The following CEP85L variants were observed in gnomAD, a reference collection of about 807,000 sequenced individuals.
CEP85L encodes centrosomal protein of 85 kDa-like.
Under a neutral mutation model 100.3 loss-of-function variants are expected in CEP85L, and 60 were observed. That is an observed-to-expected ratio of 0.60 (90% confidence interval 0.49 to 0.74). The LOEUF (loss-of-function observed/expected upper bound fraction) is 0.74, where lower values mean the gene tolerates loss of function less well. Ranked by LOEUF, CEP85L falls within the 30% of genes least tolerant of loss-of-function variation. The pLI, the probability that CEP85L is intolerant of heterozygous loss-of-function variation, is 0.00. For synonymous variants in CEP85L, 319 were observed against 322.7 expected, an observed-to-expected ratio of 0.99 and a Z score of 0.12; for missense variants, 973 against 936.2, an observed-to-expected ratio of 1.04 and a Z score of -0.51.
At chr6:118,600,370 T>TG (rs58066356) in intron 2 of CEP85L, among the ~76,000 whole-genome samples, 1 of 86,360 alleles carries the variant, frequency 1.2e-5, no homozygotes, top group Non-Finnish European at 2.6e-5. Context: ...TGTGTGTGTG[T>TG]AACGCCATGG....
chr6:118,586,671 C>T lies in CEP85L; in HGVS notation c.233-20355G>A, dbSNP rs143901871. Among the ~76,000 whole-genome samples, 570 of 152,306 alleles carry T rather than the reference C, an allele frequency of 3.7e-3. 4 individuals are homozygous for T. The highest frequency in any genetic ancestry group is 5.8e-3 in the Non-Finnish European group (396 of 68,024). On this transcript the variant is annotated intron_variant, in intron 2 of 12. Coordinates refer to ENST00000368491, the MANE Select transcript of CEP85L (RefSeq NM_001042475.3). The stretch of plus-strand genomic sequence containing the variant: ...ATGTGAAGAAATGGAAGATCTTAAG[C>T]TGAAAATCATAAAAGATAAGTAACT...
At chr6:118,683,142 T>C (rs972657952) in intron 1 of CEP85L, among the ~76,000 whole-genome samples, 2 of 152,180 alleles carry the variant, frequency 1.3e-5, no homozygotes, top group Admixed American at 6.5e-5. Flanking sequence ...AGGTGTGTAT[T>C]TTTCTAGAGA....
At chr6:118,584,194 T>G (rs1013631032) in intron 2 of CEP85L, among the ~76,000 whole-genome samples, 1 of 152,200 alleles carries the variant, frequency 6.6e-6, no homozygotes, top group African/African-American at 2.4e-5. Context: ...GCACTGAAGC[T>G]CTTCTCAATA....
intron 3 of CEP85L, among the ~76,000 whole-genome samples, chr6:118,524,945 C>T (rs1323151956): frequency 3.9e-5 from 6 of 152,186 alleles, no homozygotes; most frequent in Admixed American, 3.9e-4. Context: ...CACCTGGTGA[C>T]CTGGAAATCA....
chr6:118,481,973 T>C lies in CEP85L; in HGVS notation c.1591-40A>G, dbSNP rs950349572. 10 of 1,255,776 alleles carry C rather than the reference T, an allele frequency of 8.0e-6. No homozygotes were observed. The African/African-American group carries it at 9.4e-5, about 12-fold the overall frequency. 77.8% of individuals were successfully genotyped at this position (1,255,776 alleles called of 1,614,324 possible). A position where few individuals can be genotyped will look rare whatever the true frequency, so the allele number is the denominator to read the frequency against. Reference sequence around the variant, plus strand: ...TTTACAGTTCATTACACATGAAATATTAAATACGCTTCTATTAGAAACTGT... The same window carrying C: ...TTTACAGTTCATTACACATGAAATACTAAATACGCTTCTATTAGAAACTGT... On this transcript the variant is annotated intron_variant, in intron 7 of 12. Transcript: ENST00000368491.
chr6:118,527,283 G>C (rs1777031744), intron 3 of CEP85L, among the ~76,000 whole-genome samples: 1 of 151,974 alleles, frequency 6.6e-6, no homozygotes, highest in Admixed American at 6.6e-5. Flanking sequence ...GGGATTACAG[G>C]CATGAGCCAC....
rs60633815 is a variant in CEP85L at position 118,567,205 on chromosome 6, ATGTATGTGTGTGTG to A, written c.233-903_233-890del. ...TGTGTACATATATGTATGAATATATATGTATGTGTGTGTGTGTGTGTGTGTGTGTGTGTGTGTGT... is the reference window on the plus strand; with the variant it reads ...TGTGTACATATATGTATGAATATATATGTGTGTGTGTGTGTGTGTGTGTGT... On this transcript the variant is annotated intron_variant, in intron 2 of 12. Transcript: ENST00000368491. Among the ~76,000 whole-genome samples the A allele has an allele frequency of 3.2e-4, 25 of 77,234 alleles. 1 individual carries two copies. Among genetic ancestry groups the A allele is most frequent in the South Asian group, 1.8e-3 (3 of 1,690 alleles). The allele number at this position is 77,234 out of a possible 152,430, so 50.7% of individuals were successfully genotyped here. A position where few individuals can be genotyped will look rare whatever the true frequency, so the allele number is the denominator to read the frequency against.
chr6:118,602,173 C>G (rs190919867), intron 2 of CEP85L, among the ~76,000 whole-genome samples: 1 of 152,154 alleles, frequency 6.6e-6, no homozygotes, highest in Non-Finnish European at 1.5e-5. Context: ...GTATGAGGGT[C>G]TCTTGCACTC....
Position 118,565,660 on chromosome 6 carries a change from G to C in CEP85L, c.889C>G (p.Gln297Glu), listed in dbSNP as rs1479561143. The C allele has an allele frequency of 1.2e-6, 2 of 1,614,074 alleles. No homozygotes were observed. Among genetic ancestry groups the C allele is most frequent in the Non-Finnish European group, 1.7e-6 (2 of 1,180,038 alleles). Residue 297 changes from glutamine to glutamate, a missense_variant, in exon 3 of 13, where the codon CAG (glutamine) becomes GAG (glutamate). Coordinates refer to ENST00000368491, the MANE Select transcript of CEP85L (RefSeq NM_001042475.3). ...CGCAGCTGCTCTGTAAGCCACATCT[G>C]AGTCCTTACGGAAGGCTGAATGGGA... The part of the protein sequence containing the change: ...GVPIQPSVRT[Q>E]MWLTEQLRTN...
intron 3 of CEP85L, among the ~76,000 whole-genome samples, chr6:118,550,386 T>A (rs1369629150): frequency 1.3e-5 from 2 of 151,776 alleles, no homozygotes; most frequent in African/African-American, 4.8e-5. Flanking sequence ...ATATATTAAA[T>A]TTTTAATTAA....
intron 1 of CEP85L, among the ~76,000 whole-genome samples, chr6:118,646,228 A>T (rs1162737547): frequency 1.3e-5 from 1 of 75,972 alleles, no homozygotes; most frequent in African/African-American, 4.7e-5. Context: ...AAAAAAAGAA[A>T]AGAAAAGTAA....
chr6:118,651,233 G>T lies in CEP85L; in HGVS notation c.37C>A (p.Arg13=). 1 of 1,495,574 alleles carries T rather than the reference G, an allele frequency of 6.7e-7. No individual in the cohort carries two copies. 92.6% of individuals were successfully genotyped at this position (1,495,574 alleles called of 1,614,324 possible). A position where few individuals can be genotyped will look rare whatever the true frequency, so the allele number is the denominator to read the frequency against. Reference sequence around the variant, plus strand: ...CTGCGGGCTCCGCCGGGGCTATCCCGGCCGCTGGCCTCCGGAGCCAGGAAG... The same window carrying T: ...CTGCGGGCTCCGCCGGGGCTATCCCTGCCGCTGGCCTCCGGAGCCAGGAAG... The part of the protein sequence containing the change: ...GRFLAPEASG[R]DSPGGARSFP... Residue 13 remains arginine (R), a synonymous_variant, in exon 1 of 13, where the codon CGG becomes AGG. Coordinates refer to ENST00000368491, the MANE Select transcript of CEP85L (RefSeq NM_001042475.3).
chr6:118,702,457 A>T (rs985411879), intron 1 of CEP85L, among the ~76,000 whole-genome samples: 5 of 152,110 alleles, frequency 3.3e-5, no homozygotes, highest in African/African-American at 1.2e-4. Flanking sequence ...GGATGCAATG[A>T]GCTGTGATTG....
intron 3 of CEP85L, among the ~76,000 whole-genome samples, chr6:118,549,024 TAATA>T (rs1469859327): frequency 2.0e-5 from 3 of 152,004 alleles, no homozygotes; most frequent in African/African-American, 7.2e-5. Flanking sequence ...TCCATGCTAT[TAATA>T]AATTGAGTTA....
chr6:118,539,259 C>T (rs1777772018), intron 3 of CEP85L, among the ~76,000 whole-genome samples: 1 of 152,182 alleles, frequency 6.6e-6, no homozygotes, highest in Admixed American at 6.5e-5. Context: ...CTCATTCTTA[C>T]TATATCTTTT....
chr6:118,551,027 TTTTA>T (rs1778512276), intron 3 of CEP85L, among the ~76,000 whole-genome samples: 3 of 151,988 alleles, frequency 2.0e-5, no homozygotes, highest in Middle Eastern at 3.4e-3. Context: ...CAAAGTTTCC[TTTTA>T]TTTGTTTCAT....
At chr6:118,677,087 G>A (rs1776507860) in intron 1 of CEP85L, among the ~76,000 whole-genome samples, 1 of 152,034 alleles carries the variant, frequency 6.6e-6, no homozygotes, top group African/African-American at 2.4e-5. Flanking sequence ...TATGATCCTG[G>A]AAATCAGGGT....
chr6:118,575,529 C>G (rs964972032), intron 2 of CEP85L, among the ~76,000 whole-genome samples: 2 of 152,168 alleles, frequency 1.3e-5, no homozygotes, highest in African/African-American at 4.8e-5. Flanking sequence ...AACTACTTAC[C>G]CTTTAGATCA....
intron 2 of CEP85L, chr6:118,589,075 C>T (rs1019136235): frequency 1.6e-5 from 5 of 307,850 alleles, no homozygotes; most frequent in African/African-American, 2.2e-5. Context: ...ATGCCATGAA[C>T]GGAGACAGCA....
Sources: gnomAD v4.1 joint callset for allele counts (sites outside exome capture counted in the v4.1 genomes callset) on GRCh38, gnomAD v4.1.1 for gene constraint, MANE v1.5 for transcripts, NCBI Gene and HGNC (gene_info 2026-07-23, HGNC 2026-07-21) for gene names.